BRD7: variants seen among roughly 807,000 people sequenced by gnomAD.
The protein encoded by BRD7 is bromodomain containing 7.
BRD7 carries 15 observed loss-of-function variants against 82.1 expected under a neutral mutation model. The observed-to-expected ratio is 0.18, with a 90% CI of 0.12 to 0.28. The LOEUF (loss-of-function observed/expected upper bound fraction) is 0.28. BRD7 is among the 10% of genes least tolerant of loss of function. BRD7 has a pLI of 1.00. For missense variants in BRD7, 638 were observed against 779.9 expected (o/e 0.82, Z 2.17); for synonymous variants, 232 against 266.9 (o/e 0.87, Z 1.27).
intron 2 of BRD7, among the ~76,000 whole-genome samples, chr16:50,361,227 T>C (rs1233847018): frequency 6.6e-6 from 1 of 152,208 alleles, no homozygotes; most frequent in African/African-American, 2.4e-5. Flanking sequence ...TTGGACTTAG[T>C]ATAGATAGTG....
rs375054672 is a variant in BRD7 at position 50,354,968 on chromosome 16, T to C, written c.259-46A>G. On this transcript the variant is annotated intron_variant, in intron 2 of 16. Coordinates refer to ENST00000394688, the MANE Select transcript of BRD7 (RefSeq NM_013263.5). ...TAATTTAGAAATATTTCAGAACCAA[T>C]ATCTTTAAATACATAAATCATTTTA... The C allele has an allele frequency of 1.1e-4, 178 of 1,583,794 alleles. 1 individual carries two copies. The highest frequency in any genetic ancestry group is 8.6e-4 in the Admixed American group (48 of 55,826).
rs1404286118 is a variant in BRD7, at chr16:50,317,828, ATTTCTCCTGAGTTAACT to A, written c.*1366_*1382del. The A allele has an allele frequency of 6.6e-6, 1 of 152,346 alleles. No individual in the cohort carries two copies. Among genetic ancestry groups the A allele is most frequent in the Non-Finnish European group, 1.5e-5 (1 of 68,028 alleles). 9.4% of individuals were successfully genotyped at this position (152,346 alleles called of 1,614,324 possible). On this transcript the variant is annotated 3_prime_UTR_variant, in exon 17 of 17. Coordinates refer to ENST00000394688, the MANE Select transcript of BRD7 (RefSeq NM_013263.5). ...TCCATGGGTCAAGGACTTCCTTACA[ATTTCTCCTGAGTTAACT>A]TTTGTGAAAATAATACCTAAGGTTT...
chr16:50,365,788 A>G (rs1392554242), intron 2 of BRD7, among the ~76,000 whole-genome samples: 1 of 152,062 alleles, frequency 6.6e-6, no homozygotes, highest in Non-Finnish European at 1.5e-5. Context: ...ACACACCCAG[A>G]AAAAATATGA....
chr16:50,333,023 T>C (rs2037636427), intron 8 of BRD7, among the ~76,000 whole-genome samples: 1 of 152,164 alleles, frequency 6.6e-6, no homozygotes, highest in African/African-American at 2.4e-5. Context: ...AGAAACTTCC[T>C]ACTGGGTACT....
chr16:50,333,186 A>G (rs1399889691), intron 8 of BRD7, among the ~76,000 whole-genome samples: 1 of 152,214 alleles, frequency 6.6e-6, no homozygotes, highest in Non-Finnish European at 1.5e-5. Context: ...CCAGAATACA[A>G]ATGTTTTCCT....
intron 5 of BRD7, among the ~76,000 whole-genome samples, chr16:50,341,548 CACA>C (rs955692975): frequency 4.1e-4 from 61 of 147,824 alleles, no homozygotes; most frequent in African/African-American, 1.4e-3. Flanking sequence ...GAGGCTGAGG[CACA>C]ACAATTGCTT....
At position 50,354,855 on chromosome 16, in the gene BRD7, G is replaced by A; in HGVS notation, c.326C>T (p.Ala109Val). The change falls in exon 3 of 17, where the codon GCC becomes GTC. Residue 109 changes from alanine (A) to valine (V), a missense_variant. Coordinates refer to ENST00000394688, the MANE Select transcript of BRD7 (RefSeq NM_013263.5). ...NEAEKDLQCH[A>V]PVRLDLPPEK... is the part of the protein sequence containing the mutation. ...AGGAGGCAAGTCTAATCTCACAGGG[G>A]CGTGACACTGGAGATCTTTTTCTGC... 1.2e-6 allele frequency: 2 copies of A among 1,613,196 alleles called. No homozygotes were observed. Among genetic ancestry groups the A allele is most frequent in the Non-Finnish European group, 1.7e-6 (2 of 1,179,946 alleles).
chr16:50,363,931 T>TA (rs1184579959), intron 2 of BRD7, among the ~76,000 whole-genome samples: 1 of 152,024 alleles, frequency 6.6e-6, no homozygotes, highest in Non-Finnish European at 1.5e-5. Flanking sequence ...GGTGTGGTGA[T>TA]ACATGCCTGT....
At chr16:50,364,021 C>G (rs1269982886) in intron 2 of BRD7, among the ~76,000 whole-genome samples, 1 of 151,608 alleles carries the variant, frequency 6.6e-6, no homozygotes, top group South Asian at 2.1e-4. Context: ...CATGATTGCA[C>G]CACTGCATTC....
At chr16:50,340,478 A>C (rs1478741570) in intron 5 of BRD7, among the ~76,000 whole-genome samples, 1 of 152,222 alleles carries the variant, frequency 6.6e-6, no homozygotes, top group Non-Finnish European at 1.5e-5. Flanking sequence ...TATTACTCCT[A>C]GCTTTAAAAC....
chr16:50,333,195 C>A (rs2037644134), intron 8 of BRD7, among the ~76,000 whole-genome samples: 2 of 152,148 alleles, frequency 1.3e-5, no homozygotes, highest in South Asian at 4.1e-4. Flanking sequence ...AAATGTTTTC[C>A]TGTAAATTTA....
At chr16:50,336,351 T>C (rs1364404961) in intron 6 of BRD7, among the ~76,000 whole-genome samples, 1 of 152,216 alleles carries the variant, frequency 6.6e-6, no homozygotes, top group Non-Finnish European at 1.5e-5. Context: ...TTTGAGACTT[T>C]TGATAATTAC....
chr16:50,346,382 A>G (rs2038283708), intron 5 of BRD7, among the ~76,000 whole-genome samples: 1 of 152,248 alleles, frequency 6.6e-6, no homozygotes, highest in South Asian at 2.1e-4. Context: ...GAGCAAACAC[A>G]TTCAAAACCT....
chr16:50,338,887 C>T (rs1329385177), intron 6 of BRD7, among the ~76,000 whole-genome samples: 1 of 152,196 alleles, frequency 6.6e-6, no homozygotes, highest in South Asian at 2.1e-4. Context: ...ACCCTTGATT[C>T]GTTCCCTAAA....
chr16:50,368,703 C>A, intron 1 of BRD7, 23 bp downstream of exon 1: 1 of 1,551,108 alleles, frequency 6.4e-7, no homozygotes, highest in African/African-American at 1.4e-5. Flanking sequence ...GGCCCGCCGC[C>A]CGCACCCCGG....
intron 1 of BRD7, 54 bp from the exon 2 acceptor site, chr16:50,368,352 T>C: frequency 6.4e-7 from 1 of 1,569,480 alleles, no homozygotes; most frequent in Non-Finnish European, 8.7e-7. Context: ...ATCGGGGCTC[T>C]CCAGGGAGTG....
chr16:50,368,308 AG>A lies in BRD7; in HGVS notation c.50-11del, dbSNP rs2039228627. The A allele has an allele frequency of 6.3e-7, 1 of 1,597,486 alleles. No individual in the cohort carries two copies. The highest frequency in any genetic ancestry group is 8.5e-7 in the Non-Finnish European group (1 of 1,176,522). On this transcript the variant is annotated splice_polypyrimidine_tract_variant and intron_variant, in intron 1 of 16. Transcript: ENST00000394688. ...GGCTTCTCTACATACTCTTAAAAAA[AG>A]AAAAGAAAAGAAAGGAAAGCGCGTC... is the stretch of plus-strand genomic sequence containing the variant.
chr16:50,368,174 G>A lies in BRD7; in HGVS notation c.174C>T (p.His58=), dbSNP rs781606764. Residue 58 remains histidine, a synonymous_variant, in exon 2 of 17, where the codon CAC becomes CAT. Transcript: ENST00000394688. ...LFEDKNDHDK[H]KDRKRKKRKK... is the part of the protein sequence containing the mutation. ...TTCTCTTTTTCCGCTTTCTGTCCTT[G>A]TGTTTGTCATGATCGTTTTTGTCTT... 1.9e-6 allele frequency: 3 copies of A among 1,614,108 alleles called. No homozygotes were observed. Among genetic ancestry groups the A allele is most frequent in the African/African-American group, 1.3e-5 (1 of 75,006 alleles).
At chr16:50,354,972 T>C in intron 2 of BRD7, 50 bp from the exon 3 acceptor site, 1 of 1,579,412 alleles carries the variant, frequency 6.3e-7, no homozygotes, top group Non-Finnish European at 8.6e-7. Flanking sequence ...AACCAATATC[T>C]TTAAATACAT....
Sources: allele counts gnomAD v4.1 joint callset (sites outside exome capture counted in the v4.1 genomes callset), GRCh38; gene constraint gnomAD v4.1.1; transcripts MANE v1.5; gene names NCBI Gene and HGNC (gene_info 2026-07-23, HGNC 2026-07-21).